SMAD7: variants seen among roughly 807,000 people sequenced by gnomAD.
SMAD7 encodes SMAD family member 7, also known as MAD (mothers against decapentaplegic, Drosophila) homolog 7.
SMAD7 carries 8 observed loss-of-function variants against 38.7 expected under a neutral mutation model. The observed-to-expected ratio is 0.21, with a 90% CI of 0.12 to 0.37. The LOEUF (loss-of-function observed/expected upper bound fraction) is 0.37. SMAD7 is among the 10% of genes least tolerant of loss of function. SMAD7 has a pLI of 1.00. For missense variants in SMAD7, 477 were observed against 577.9 expected (o/e 0.83, Z 1.79); for synonymous variants, 327 against 265.1 (o/e 1.23, Z -2.27).
At chr18:48,943,312 G>A (rs541709705) in intron 2 of SMAD7, among the ~76,000 whole-genome samples, 8 of 152,098 alleles carry the variant, frequency 5.3e-5, no homozygotes, top group Non-Finnish European at 7.4e-5. Flanking sequence ...CCCAACACTC[G>A]GAGTTTCCTC....
chr18:48,948,195 C>T (rs909029000), intron 2 of SMAD7, among the ~76,000 whole-genome samples, 189 bp downstream of exon 2: 1 of 152,174 alleles, frequency 6.6e-6, no homozygotes, highest in Non-Finnish European at 1.5e-5. Context: ...ATCAAGGGAA[C>T]GTCTTTGCAA....
intron 3 of SMAD7, among the ~76,000 whole-genome samples, chr18:48,938,061 G>C (rs550040443): frequency 6.6e-6 from 1 of 152,232 alleles, no homozygotes; most frequent in Admixed American, 6.5e-5. Context: ...ACGTGCAGCT[G>C]ATTAACTTTC....
At chr18:48,924,608 G>T (rs1351456773) in intron 3 of SMAD7, among the ~76,000 whole-genome samples, 2 of 152,194 alleles carry the variant, frequency 1.3e-5, no homozygotes, top group East Asian at 1.9e-4. Context: ...AAACTGCAAT[G>T]CATGGATGTC....
At chr18:48,939,586 A>G (rs1454902136) in intron 3 of SMAD7, among the ~76,000 whole-genome samples, 1 of 137,366 alleles carries the variant, frequency 7.3e-6, no homozygotes, top group Non-Finnish European at 1.5e-5. Flanking sequence ...CCGAGGCACC[A>G]CATTTTCACA....
At chr18:48,923,115 T>C (rs922766024) in intron 3 of SMAD7, among the ~76,000 whole-genome samples, 19 of 152,058 alleles carry the variant, frequency 1.2e-4, no homozygotes, top group Non-Finnish European at 2.5e-4. Context: ...CCGGAAGTCT[T>C]GTATTTGTTA....
At chr18:48,937,263 C>CGTGTGT (rs1416134181) in intron 3 of SMAD7, among the ~76,000 whole-genome samples, 193 of 69,106 alleles carry the variant, frequency 2.8e-3, no homozygotes, top group Admixed American at 4.8e-3. Flanking sequence ...TAAGTAAAGG[C>CGTGTGT]ATGTGTGTGT....
chr18:48,928,917 C>T (rs750381492), intron 3 of SMAD7, among the ~76,000 whole-genome samples: 3 of 152,226 alleles, frequency 2.0e-5, no homozygotes, highest in Admixed American at 2.0e-4. Context: ...TCTGTCTCGC[C>T]AGTCAGGCTG....
In SMAD7 at chr18:48,921,749, T is replaced by G; in HGVS notation, c.904A>C (p.Asn302His). 1 of 1,614,174 alleles carries G rather than the reference T, an allele frequency of 6.2e-7. No homozygotes were observed. The highest frequency in any genetic ancestry group is 2.2e-5 in the East Asian group (1 of 44,874). ...ACCAGCTGACTCTTGTTGTCCGAAT[T>G]GAGCTGTCCGAGGCAAAAGCCATTC... Reference protein sequence around the residue: ...QGNGFCLGQLNSDNKSQLVQK... With the variant: ...QGNGFCLGQLHSDNKSQLVQK... The change falls in exon 4 of 4, where the codon AAT becomes CAT. Residue 302 changes from asparagine (N) to histidine (H), a missense_variant. Coordinates refer to ENST00000262158, the MANE Select transcript of SMAD7 (RefSeq NM_005904.4). The surrounding 1 kb of genome is among the most constrained non-coding windows in gnomAD (Gnocchi z 6.4).
Position 48,921,011 on chromosome 18 carries a change from C to T in SMAD7, c.*361G>A. 3.8e-6 allele frequency: 1 copy of T among 259,946 alleles called. No individual in the cohort carries two copies. Among genetic ancestry groups the T allele is most frequent in the Non-Finnish European group, 7.4e-6 (1 of 135,106 alleles). 16.1% of individuals were successfully genotyped at this position (259,946 alleles called of 1,614,324 possible). ...CCGCTCCTGCACACGCGTGCACACA[C>T]AGCCGCACACTCACACTCACACACA... On this transcript the variant is annotated 3_prime_UTR_variant, in exon 4 of 4. Coordinates refer to ENST00000262158, the MANE Select transcript of SMAD7 (RefSeq NM_005904.4). This position sits in a 1 kb window ranked among gnomAD's most constrained non-coding sequence, Gnocchi z 6.4.
In SMAD7 at chr18:48,948,381, C is replaced by A; in HGVS notation, c.667+3G>T. The stretch of plus-strand genomic sequence containing the variant: ...CAGGATATTTTAAAAATCATCTACT[C>A]ACCAGTTGGTTTGAGAAAATCCATC... On this transcript the variant is annotated splice_donor_region_variant and intron_variant, in intron 2 of 3. Coordinates refer to ENST00000262158, the MANE Select transcript of SMAD7 (RefSeq NM_005904.4). The A allele has an allele frequency of 6.3e-7, 1 of 1,588,052 alleles. No homozygotes were observed. Among genetic ancestry groups the A allele is most frequent in the South Asian group, 1.1e-5 (1 of 88,070 alleles).
chr18:48,942,668 C>A, intron 2 of SMAD7, 113 bp from the exon 3 acceptor site: 1 of 1,583,970 alleles, frequency 6.3e-7, no homozygotes, highest in East Asian at 2.3e-5. Flanking sequence ...TTCCAAAAGG[C>A]TGACTCGCGG....
intron 3 of SMAD7, among the ~76,000 whole-genome samples, chr18:48,941,594 C>CA (rs1423323004): frequency 6.6e-6 from 1 of 152,302 alleles, no homozygotes; most frequent in Admixed American, 6.5e-5. Context: ...GCCAAATGCC[C>CA]AAAACTCTGC....
At position 48,941,549 on chromosome 18, in the gene SMAD7, G is replaced by C. The variant is rs182124019; in HGVS notation, c.742+932C>G. ...CCACAACAGGGCACAGCTTCTATTC[G>C]AGCTGCTACCACGTGATCCTACAGG... On this transcript the variant is annotated intron_variant, in intron 3 of 3. Coordinates refer to ENST00000262158, the MANE Select transcript of SMAD7 (RefSeq NM_005904.4). 1.1e-3 allele frequency among the ~76,000 whole-genome samples: 166 copies of C among 152,260 alleles called. 1 individual carries two copies. The highest frequency in any genetic ancestry group is 3.1e-3 in the African/African-American group (127 of 41,556).
At chr18:48,946,433 G>A (rs987631381) in intron 2 of SMAD7, among the ~76,000 whole-genome samples, 13 of 152,108 alleles carry the variant, frequency 8.5e-5, no homozygotes, top group Admixed American at 4.6e-4. Context: ...AGGGGGGCGG[G>A]GGGGGTGTGC....
chr18:48,937,799 A>C (rs1477103160), intron 3 of SMAD7, among the ~76,000 whole-genome samples: 2 of 152,218 alleles, frequency 1.3e-5, no homozygotes, highest in African/African-American at 2.4e-5. Flanking sequence ...TCATGGTCAC[A>C]AGCACCTGTC....
Position 48,921,843 on chromosome 18 carries a change from C to T in SMAD7, c.810G>A (p.Lys270=). The T allele has an allele frequency of 3.1e-6, 5 of 1,613,836 alleles. No homozygotes were observed. Among genetic ancestry groups the T allele is most frequent in the Non-Finnish European group, 4.2e-6 (5 of 1,180,002 alleles). Residue 270 remains lysine, a synonymous_variant, in exon 4 of 4, where the codon AAG becomes AAA. Coordinates refer to ENST00000262158, the MANE Select transcript of SMAD7 (RefSeq NM_005904.4). This position sits in a 1 kb window ranked among gnomAD's most constrained non-coding sequence, Gnocchi z 6.4. ...HWCVVAYWEE[K]TRVGRLYCVQ... is the part of the protein sequence containing the mutation. ...CACAGTAGAGCCTCCCCACTCTCGT[C>T]TTCTCCTCCCAGTATGCCACCACGC...
At chr18:48,943,901 C>T (rs2070169176) in intron 2 of SMAD7, among the ~76,000 whole-genome samples, 1 of 152,172 alleles carries the variant, frequency 6.6e-6, no homozygotes, top group Non-Finnish European at 1.5e-5. Flanking sequence ...ATTCTCAAGG[C>T]TGGAAGGACA....
chr18:48,950,921 C>A lies in SMAD7; in HGVS notation c.-497G>T, dbSNP rs1233231616. Among the ~76,000 whole-genome samples the A allele has an allele frequency of 6.6e-6, 1 of 151,598 alleles. No individual in the cohort carries two copies. The highest frequency in any genetic ancestry group is 1.5e-5 in the Non-Finnish European group (1 of 67,876). ...TGGAAGAAGGAAAAAGCCTCTTTCC[C>A]CCTTGCTAAGCAACTTAATTTGGGG... On this transcript the variant is annotated 5_prime_UTR_variant, in exon 1 of 4. Transcript: ENST00000262158.
rs145686330 is a variant in SMAD7 at position 48,948,427 on chromosome 18, G to T, written c.624C>A (p.Pro208=). 1.9e-3 allele frequency: 3,096 copies of T among 1,595,350 alleles called. 43 individuals carry two copies. In the East Asian group the frequency reaches 0.04, roughly 20 times the overall value. The change falls in exon 2 of 4, where the codon CCC becomes CCA. Residue 208 remains proline (P), a synonymous_variant. Coordinates refer to ENST00000262158, the MANE Select transcript of SMAD7 (RefSeq NM_005904.4). ...CCATCGGGTATCTGGAGTAAGGAGG[G>T]GGGGGAGACTCTGAAATTAAAAAAG... ...LSRLCELESP[P]PPYSRYPMDF... is the part of the protein sequence containing the mutation.
Sources: allele counts gnomAD v4.1 joint callset (sites outside exome capture counted in the v4.1 genomes callset), GRCh38; gene constraint gnomAD v4.1.1; non-coding constraint Gnocchi (gnomAD v3.1); transcripts MANE v1.5; gene names NCBI Gene and HGNC (gene_info 2026-07-23, HGNC 2026-07-21).